The following AP2A2 variants were observed in gnomAD, a reference collection of about 807,000 sequenced individuals.
AP2A2 encodes the protein AP-2 complex subunit alpha-2.
Under a neutral mutation model 104.2 loss-of-function variants are expected in AP2A2, and 32 were observed. The ratio of observed to expected loss-of-function variants is 0.31; its 90% CI spans 0.23 to 0.41. AP2A2 has a LOEUF of 0.41. Ranked by LOEUF, AP2A2 falls within the 10% of genes least tolerant of loss-of-function variation. AP2A2 has a pLI of 1.00. For synonymous variants in AP2A2, 539 were observed against 533.3 expected, an observed-to-expected ratio of 1.01 and a Z score of -0.15; for missense variants, 912 against 1,261.0, an observed-to-expected ratio of 0.72 and a Z score of 4.19.
chr11:1,007,905 A>G (rs1856262591), intron 17 of AP2A2, 107 bp from the exon 18 acceptor site: 5 of 1,493,238 alleles, frequency 3.3e-6, no homozygotes, highest in Non-Finnish European at 3.6e-6. Context: ...GTGGTCCTAG[A>G]GTGTGGTGAG....
chr11:955,410 G>A (rs538669654), intron 1 of AP2A2, among the ~76,000 whole-genome samples: 1 of 151,940 alleles, frequency 6.6e-6, no homozygotes, highest in African/African-American at 2.4e-5. Context: ...CTGCTGTCCT[G>A]CTTTCTTGTG....
intron 6 of AP2A2, among the ~76,000 whole-genome samples, chr11:983,451 T>G (rs183963252): frequency 0.023 from 3,524 of 151,970 alleles, 150 homozygotes; most frequent in African/African-American, 0.08. Context: ...GGCACGATCT[T>G]GGCTCACTAC....
chr11:984,026 A>T (rs1855361631), intron 6 of AP2A2, among the ~76,000 whole-genome samples: 1 of 152,214 alleles, frequency 6.6e-6, no homozygotes, highest in Non-Finnish European at 1.5e-5. Context: ...TAAAAGTGTC[A>T]CATGTGAGCT....
intron 14 of AP2A2, 79 bp downstream of exon 14, chr11:994,324 G>T: frequency 6.4e-7 from 1 of 1,553,114 alleles, no homozygotes; most frequent in African/African-American, 1.4e-5. Flanking sequence ...GCATTTGCCT[G>T]TCAGGGAGGA....
chr11:977,489 C>T (rs1437135500), intron 5 of AP2A2, among the ~76,000 whole-genome samples: 1 of 150,110 alleles, frequency 6.7e-6, no homozygotes, highest in Non-Finnish European at 1.5e-5. Flanking sequence ...CACGTGTCTC[C>T]TGGAAACACC....
intron 2 of AP2A2, among the ~76,000 whole-genome samples, chr11:960,220 T>G (rs1478541708): frequency 1.3e-5 from 2 of 150,432 alleles, no homozygotes; most frequent in Admixed American, 1.3e-4. Context: ...GGCTTGAGAA[T>G]GGATATCCAG....
chr11:947,374 AAC>A (rs1468335674), intron 1 of AP2A2, among the ~76,000 whole-genome samples: 2 of 152,242 alleles, frequency 1.3e-5, no homozygotes, highest in Middle Eastern at 3.2e-3. Flanking sequence ...ATAGGCTTAT[AAC>A]ATATAAAGGT....
intron 1 of AP2A2, chr11:946,788 G>T (rs1274307393): frequency 1.1e-5 from 1 of 88,118 alleles, no homozygotes; most frequent in Non-Finnish European, 2.6e-5. Context: ...AAGAAATTAA[G>T]ATATTTCCAG....
intron 1 of AP2A2, among the ~76,000 whole-genome samples, chr11:954,952 ATTTAGCTCATGTAGT>A (rs1230065130): frequency 6.6e-6 from 1 of 152,144 alleles, no homozygotes; most frequent in Non-Finnish European, 1.5e-5. Flanking sequence ...AGGAAAGTTG[ATTTAGCTCATGTAGT>A]AGTATTTCCT....
rs189792265 is a variant in AP2A2, at chr11:979,090, C to G, written c.603+1866C>G. 1.7e-3 allele frequency among the ~76,000 whole-genome samples: 256 copies of G among 151,910 alleles called. 1 individual carries two copies. Among genetic ancestry groups the G allele is most frequent in the African/African-American group, 6.0e-3 (250 of 41,394 alleles). ...GGAGACACGGAGGTCGCTTTGGCAC[C>G]AGCTGCCACCACAGGGGTGGGGCCA... On this transcript the variant is annotated intron_variant, in intron 5 of 21. Coordinates refer to ENST00000448903, the MANE Select transcript of AP2A2 (RefSeq NM_012305.4).
At chr11:1,008,716 G>T (rs764711690) in intron 18 of AP2A2, 27 of 262,690 alleles carry the variant, frequency 1.0e-4, no homozygotes, top group Non-Finnish European at 1.8e-4. Context: ...AAAAGACAGA[G>T]AACTTAAGAT....
At chr11:1,008,956 G>A (rs182536644) in intron 18 of AP2A2, 144 bp from the exon 19 acceptor site, 330 of 648,948 alleles carry the variant, frequency 5.1e-4, no homozygotes, top group African/African-American at 4.3e-3. Flanking sequence ...CACACGATCC[G>A]TGGGGACTGA....
In AP2A2 at chr11:978,543, C is replaced by T. The variant is rs537819828; in HGVS notation, c.603+1319C>T. Among the ~76,000 whole-genome samples, 11 of 152,296 alleles carry T rather than the reference C, an allele frequency of 7.2e-5. No individual in the cohort carries two copies. In the South Asian group the frequency reaches 8.3e-4, roughly 11 times the overall value. On this transcript the variant is annotated intron_variant, in intron 5 of 21. Coordinates refer to ENST00000448903, the MANE Select transcript of AP2A2 (RefSeq NM_012305.4). ...TCAGCATATTCTTGGTTATAGGCAA[C>T]GGAAACTCATCCTGAAGGGACGCCA...
rs1456944041 is a variant in AP2A2 at position 1,011,588 on chromosome 11, A to G, written c.*963A>G. 2.3e-6 allele frequency: 1 copy of G among 436,496 alleles called. No homozygotes were observed. The highest frequency in any genetic ancestry group is 4.6e-6 in the Non-Finnish European group (1 of 216,414). The allele number at this position is 436,496 out of a possible 1,614,324, so 27.0% of individuals were successfully genotyped here. On this transcript the variant is annotated 3_prime_UTR_variant, in exon 22 of 22. Coordinates refer to ENST00000448903, the MANE Select transcript of AP2A2 (RefSeq NM_012305.4). ...CACCTGTCATCTGGACTCAGCACCC[A>G]GGCTGCACGTCTGACACCTGAGAGG... is the stretch of plus-strand genomic sequence containing the variant.
chr11:939,094 TA>T (rs898882677), intron 1 of AP2A2, among the ~76,000 whole-genome samples: 1 of 151,472 alleles, frequency 6.6e-6, no homozygotes, highest in African/African-American at 2.4e-5. Context: ...ACTAAAAATA[TA>T]AAAAAATTCC....
intron 2 of AP2A2, 37 bp downstream of exon 2, chr11:959,542 T>G: frequency 1.4e-6 from 2 of 1,396,694 alleles, no homozygotes; most frequent in South Asian, 2.5e-5. Flanking sequence ...AATGTCCTGT[T>G]GTAAATTTTC....
rs74047252 is a variant in AP2A2 at position 993,431 on chromosome 11, C to T, written c.1550+50C>T. 803 of 1,415,168 alleles carry T rather than the reference C, an allele frequency of 5.7e-4. 2 individuals carry two copies. In the African/African-American group the frequency reaches 9.6e-3, roughly 17 times the overall value. The allele number at this position is 1,415,168 out of a possible 1,614,324, so 87.7% of individuals were successfully genotyped here. ...GCTGTGTGCGCTCCGGCGGGCCTCT[C>T]GGTGGTCGGTGGCAAGAGGCGAGGC... On this transcript the variant is annotated intron_variant, in intron 12 of 21. Coordinates refer to ENST00000448903, the MANE Select transcript of AP2A2 (RefSeq NM_012305.4). This position sits in a 1 kb window ranked among gnomAD's most constrained non-coding sequence, Gnocchi z 8.2.
chr11:994,009 C>G (rs1456524865), intron 13 of AP2A2, 24 bp downstream of exon 13: 2 of 1,608,976 alleles, frequency 1.2e-6, no homozygotes, highest in South Asian at 1.1e-5. Context: ...GCCCTTCGGG[C>G]TGGCTTGGCT....
chr11:965,903 T>C (rs1483035406), intron 2 of AP2A2, among the ~76,000 whole-genome samples: 1 of 152,232 alleles, frequency 6.6e-6, no homozygotes, highest in Non-Finnish European at 1.5e-5. Flanking sequence ...TGCTGTGGCA[T>C]GATCCTAACT....
Sources: allele counts gnomAD v4.1 joint callset (sites outside exome capture counted in the v4.1 genomes callset), GRCh38; gene constraint gnomAD v4.1.1; non-coding constraint Gnocchi (gnomAD v3.1); transcripts MANE v1.5; gene names NCBI Gene and HGNC (gene_info 2026-07-23, HGNC 2026-07-21).